The following RFPL1 variants were observed in gnomAD, a reference collection of about 807,000 sequenced individuals.
The protein encoded by RFPL1 is ret finger protein like 1.
RFPL1 carries 6 observed loss-of-function variants against 9.6 expected under a neutral mutation model. The observed-to-expected ratio is 0.62, with a 90% CI of 0.34 to 1.23. The LOEUF (loss-of-function observed/expected upper bound fraction) is 1.23. Among genes scored for constraint, RFPL1 ranks in the 50% most tolerant of loss-of-function variants. The pLI is 0.03. For synonymous variants in RFPL1, 145 were observed against 149.4 expected, an observed-to-expected ratio of 0.97 and a Z score of 0.22; for missense variants, 352 against 398.4, an observed-to-expected ratio of 0.88 and a Z score of 0.99.
At chr22:29,439,513 G>C (rs926845375) in intron 1 of RFPL1, 6 of 240,478 alleles carry the variant, frequency 2.5e-5, no homozygotes, top group African/African-American at 1.4e-4. Flanking sequence ...GGTGCCTGTA[G>C]TCCCAGCTAC....
At chr22:29,392,378 CT>C in the RFPL1 span, among the ~76,000 whole-genome samples, 66 of 46,268 alleles carry the variant, frequency 1.4e-3, no homozygotes, top group East Asian at 3.6e-3. Context: ...CCACACCTGG[CT>C]TTTTTTTTTT....
At chr22:29,418,326 T>G in the RFPL1 span, among the ~76,000 whole-genome samples, 37 of 152,250 alleles carry the variant, frequency 2.4e-4, no homozygotes, top group Admixed American at 1.0e-3. Flanking sequence ...ACACACGACC[T>G]GCTTTAGCTA....
At chr22:29,423,002 G>C in the RFPL1 span, 4 of 836,784 alleles carry the variant, frequency 4.8e-6, no homozygotes, top group Non-Finnish European at 8.1e-6. Context: ...CAAGCTCTAG[G>C]TCATTCCTGC....
chr22:29,442,402 A>G, exon 2 of RFPL1: 1 of 269,344 alleles, frequency 3.7e-6, no homozygotes, highest in Admixed American at 4.9e-5. Flanking sequence ...TATTTCTGTA[A>G]GTTCAAATTA....
the RFPL1 span, among the ~76,000 whole-genome samples, chr22:29,394,503 T>A: frequency 6.6e-6 from 1 of 152,110 alleles, no homozygotes. Context: ...CCACCATGCC[T>A]GGCTAATTTT....
chr22:29,388,631 C>A, the RFPL1 span: 1 of 152,386 alleles, frequency 6.6e-6, no homozygotes, highest in Non-Finnish European at 1.5e-5. Context: ...GGGTACAACC[C>A]TGGCGGGGGT....
the RFPL1 span, among the ~76,000 whole-genome samples, chr22:29,408,516 T>C: frequency 6.6e-6 from 1 of 152,370 alleles, no homozygotes; most frequent in African/African-American, 2.4e-5. Context: ...CCATTGAAGA[T>C]GTGCAGGCGT....
chr22:29,426,646 G>C, the RFPL1 span, among the ~76,000 whole-genome samples: 1 of 152,202 alleles, frequency 6.6e-6, no homozygotes, highest in East Asian at 1.9e-4. Context: ...CTACTCAGGA[G>C]GCTAAGGCAG....
the RFPL1 span, among the ~76,000 whole-genome samples, chr22:29,418,853 C>T: frequency 6.6e-6 from 1 of 152,284 alleles, no homozygotes; most frequent in South Asian, 2.1e-4. Context: ...GGTCCTCTTC[C>T]CCAGCCAGTA....
chr22:29,441,241 AG>A, intron 1 of RFPL1: 1 of 407,716 alleles, frequency 2.5e-6, no homozygotes, highest in Non-Finnish European at 4.4e-6. Context: ...GGTGGTAGAA[AG>A]GGGGTCATGG....
At chr22:29,393,708 G>T in the RFPL1 span, among the ~76,000 whole-genome samples, 2 of 152,160 alleles carry the variant, frequency 1.3e-5, no homozygotes, top group Non-Finnish European at 2.9e-5. Context: ...GAGAGAGGGC[G>T]CTGGCTTCCT....
At chr22:29,395,427 C>T in the RFPL1 span, among the ~76,000 whole-genome samples, 1 of 152,104 alleles carries the variant, frequency 6.6e-6, no homozygotes, top group Non-Finnish European at 1.5e-5. Context: ...GGGCAGGCAG[C>T]TTCCCATCCC....
the RFPL1 span, among the ~76,000 whole-genome samples, chr22:29,427,638 G>T: frequency 6.6e-6 from 1 of 152,132 alleles, no homozygotes. Context: ...GCTGCTAAAA[G>T]TATACCATAT....
chr22:29,406,477 C>T, the RFPL1 span, among the ~76,000 whole-genome samples: 2 of 152,066 alleles, frequency 1.3e-5, no homozygotes, highest in South Asian at 4.2e-4. Flanking sequence ...TTCACTCTCC[C>T]AGGTATGTGC....
chr22:29,438,972 T>C (rs566133686), exon 1 of RFPL1: 232 of 1,613,938 alleles, frequency 1.4e-4, no homozygotes, highest in South Asian at 1.3e-3. Context: ...CGCTGTCTGC[T>C]TCAAGTGCAT....
chr22:29,413,152 A>G, the RFPL1 span, among the ~76,000 whole-genome samples: 18 of 151,342 alleles, frequency 1.2e-4, no homozygotes, highest in East Asian at 3.9e-4. Flanking sequence ...GAGCTGTCCC[A>G]TCTAGTGTGG....
At chr22:29,419,354 G>A in the RFPL1 span, 12 of 709,768 alleles carry the variant, frequency 1.7e-5, no homozygotes, top group East Asian at 2.5e-5. Flanking sequence ...AGGGAGGCAC[G>A]TAAGACATCC....
chr22:29,421,150 T>C, the RFPL1 span, among the ~76,000 whole-genome samples: 1 of 152,158 alleles, frequency 6.6e-6, no homozygotes, highest in East Asian at 1.9e-4. Context: ...TCTCAATCCC[T>C]ATGCTTGGGC....
In RFPL1 at chr22:29,441,820, G is replaced by A. The variant is rs1010890053; in HGVS notation, c.652G>A (p.Val218Met). The change falls in exon 2 of 2, where the codon GTG becomes ATG. Residue 218 changes from valine to methionine, a missense_variant. Val to Met is a conservative substitution (Grantham distance 21, BLOSUM62 1). Coordinates refer to ENST00000354373, the Ensembl canonical transcript of RFPL1. ...GACCACAGAGCGTGGATTCTGGACT[G>A]TGAGTTTGAGGGATGGAAGCCGCCT... 6.2e-6 allele frequency: 10 copies of A among 1,613,872 alleles called. No individual in the cohort carries two copies. The highest frequency in any genetic ancestry group is 1.3e-5 in the African/African-American group (1 of 74,904).
Sources: gnomAD v4.1 joint callset for allele counts (sites outside exome capture counted in the v4.1 genomes callset) on GRCh38, gnomAD v4.1.1 for gene constraint, MANE v1.5 for transcripts, NCBI Gene and HGNC (gene_info 2026-07-23, HGNC 2026-07-21) for gene names.